The following DAAM2 variants were observed in gnomAD, a reference collection of about 807,000 sequenced individuals.
The protein encoded by DAAM2 is disheveled-associated activator of morphogenesis 2.
In DAAM2, 39 loss-of-function variants were observed where a neutral mutation model predicts 120.7. That is an observed-to-expected ratio of 0.32 (90% CI 0.25 to 0.42). The LOEUF (loss-of-function observed/expected upper bound fraction) is 0.42, where lower values mean the gene tolerates loss of function less well. DAAM2 is among the 10% of genes least tolerant of loss of function. The pLI is 1.00. For missense variants in DAAM2, 1,283 were observed against 1,401.7 expected (o/e 0.92, Z 1.35); for synonymous variants, 488 against 524.9 (o/e 0.93, Z 0.96).
rs1359773679 is a variant in DAAM2 at position 39,833,074 on chromosome 6, C to A, written c.-56-23173C>A. Among the ~76,000 whole-genome samples the A allele has an allele frequency of 2.6e-5, 4 of 152,104 alleles. No homozygotes were observed. The East Asian group carries it at 7.7e-4, about 29-fold the overall frequency. ...GCTGGGTTTAGGCAGGGTTTATCCA[C>A]GTGACCTTTCCCCAACCCTGCACCC... On this transcript the variant is annotated intron_variant, in intron 1 of 24. Coordinates refer to ENST00000274867, the MANE Select transcript of DAAM2 (RefSeq NM_001201427.2).
At chr6:39,842,347 C>T (rs566566420) in intron 1 of DAAM2, among the ~76,000 whole-genome samples, 15 of 152,280 alleles carry the variant, frequency 9.9e-5, no homozygotes, top group African/African-American at 2.6e-4. Context: ...AAAACATACA[C>T]GTGGCCAGGT....
At chr6:39,859,590 CTG>C (rs1413865331) in intron 2 of DAAM2, among the ~76,000 whole-genome samples, 8 of 152,232 alleles carry the variant, frequency 5.3e-5, no homozygotes, top group African/African-American at 1.9e-4. Context: ...TGAACTGTAA[CTG>C]TAAAATGCAC....
Position 39,903,770 on chromosome 6 carries a change from C to T in DAAM2, c.*1733C>T, listed in dbSNP as rs942103817. 5.2e-5 allele frequency: 9 copies of T among 172,930 alleles called. No individual in the cohort carries two copies. In the South Asian group the frequency reaches 1.2e-3, roughly 22 times the overall value. 10.7% of individuals were successfully genotyped at this position (172,930 alleles called of 1,614,324 possible). On this transcript the variant is annotated 3_prime_UTR_variant, in exon 25 of 25. Transcript: ENST00000274867. ...CTGCGGGGGGGAAGAAACACAGGGT[C>T]GGTGAGCCCAGCATGTGCGTTGGTT...
chr6:39,899,481 C>CT (rs1766340330), intron 22 of DAAM2: 1 of 160,932 alleles, frequency 6.2e-6, no homozygotes, highest in Non-Finnish European at 1.4e-5. Context: ...GGGGATGTCT[C>CT]TAAGTCTTGT....
intron 1 of DAAM2, among the ~76,000 whole-genome samples, chr6:39,836,072 T>C (rs1376425456): frequency 6.6e-6 from 1 of 152,052 alleles, no homozygotes; most frequent in East Asian, 1.9e-4. Flanking sequence ...GAAACATATA[T>C]TGCAAGCTTG....
intron 19 of DAAM2, 77 bp downstream of exon 19, chr6:39,891,799 G>C (rs1217114550): frequency 7.1e-6 from 8 of 1,122,966 alleles, no homozygotes; most frequent in African/African-American, 1.6e-5. Flanking sequence ...CCAGTGAATA[G>C]GGGCAGAGGG....
rs749360733 is a variant in DAAM2 at position 39,865,015 on chromosome 6, G to T, written c.369G>T (p.Thr123=). 1.8e-5 allele frequency: 29 copies of T among 1,607,708 alleles called. No individual in the cohort carries two copies. Among genetic ancestry groups the T allele is most frequent in the Admixed American group, 3.4e-5 (2 of 59,300 alleles). Residue 123 remains threonine (T), a synonymous_variant, in exon 5 of 25, where the codon ACG becomes ACT. Coordinates refer to ENST00000274867, the MANE Select transcript of DAAM2 (RefSeq NM_001201427.2). ...TGTACGCGTTTGATGAGGAGGAGACGGAGATGAGGAACCAAGTCGTGGAAG... is the reference window on the plus strand; with the variant it reads ...TGTACGCGTTTGATGAGGAGGAGACTGAGATGAGGAACCAAGTCGTGGAAG... ...QSLYAFDEEE[T]EMRNQVVEDL...
At chr6:39,846,486 A>G (rs1041348797) in intron 1 of DAAM2, among the ~76,000 whole-genome samples, 4 of 152,278 alleles carry the variant, frequency 2.6e-5, no homozygotes, top group South Asian at 2.1e-4. Context: ...TCAATCTCCT[A>G]TGGCATCAAT....
At chr6:39,799,513 TA>T (rs1224690749) in intron 1 of DAAM2, among the ~76,000 whole-genome samples, 1 of 152,204 alleles carries the variant, frequency 6.6e-6, no homozygotes, top group African/African-American at 2.4e-5. Context: ...TGGAATAATG[TA>T]AAAATGAAGT....
chr6:39,802,388 G>A lies in DAAM2; in HGVS notation c.-57+9923G>A, dbSNP rs113416734. ...AGTTACTTTATCTCTCTGTGCCTTA[G>A]TTTCCTCATCTGCAAAGCAGATTGT... On this transcript the variant is annotated intron_variant, in intron 1 of 24. Transcript: ENST00000274867. Among the ~76,000 whole-genome samples the A allele has an allele frequency of 5.7e-3, 870 of 152,276 alleles. 4 individuals carry two copies. The highest frequency in any genetic ancestry group is 0.018 in the African/African-American group (744 of 41,566).
chr6:39,845,525 G>C (rs1157954184), intron 1 of DAAM2, among the ~76,000 whole-genome samples: 1 of 148,130 alleles, frequency 6.8e-6, no homozygotes, highest in Non-Finnish European at 1.5e-5. Context: ...CCACACATAT[G>C]CTACCTACAC....
chr6:39,833,233 T>G (rs1762980108), intron 1 of DAAM2, among the ~76,000 whole-genome samples: 1 of 152,036 alleles, frequency 6.6e-6, no homozygotes, highest in African/African-American at 2.4e-5. Context: ...ACTAGAAAGA[T>G]TTTCTTTTTC....
chr6:39,898,839 G>C lies in DAAM2; in HGVS notation c.2619-38G>C, dbSNP rs775066430. ...GCCTTAGCACCTCAAGGCGGGAGTT[G>C]ATGGTCCTCATTCCCTTCCCTCTGT... On this transcript the variant is annotated intron_variant, in intron 21 of 24. Transcript: ENST00000274867. 46 of 1,572,894 alleles carry C rather than the reference G, an allele frequency of 2.9e-5. No homozygotes were observed. The African/African-American group carries it at 5.1e-4, about 18-fold the overall frequency.
chr6:39,823,130 C>T (rs903647207), intron 1 of DAAM2: 4 of 152,018 alleles, frequency 2.6e-5, no homozygotes, highest in South Asian at 2.1e-4. Flanking sequence ...AAGTTGGCAC[C>T]GAGTGGTTTC....
At chr6:39,832,079 CACTGGGGGAACAGGTGT>C (rs1209991929) in intron 1 of DAAM2, among the ~76,000 whole-genome samples, 1 of 136,336 alleles carries the variant, frequency 7.3e-6, no homozygotes, top group Non-Finnish European at 1.6e-5. Flanking sequence ...GGAGTAGGTG[CACTGGGGGAACAGGTGT>C]ACTGGGGGGA....
At chr6:39,866,760 T>C (rs544164863) in intron 5 of DAAM2, among the ~76,000 whole-genome samples, 3 of 152,352 alleles carry the variant, frequency 2.0e-5, no homozygotes, top group African/African-American at 4.8e-5. Context: ...GGAGTGTAAA[T>C]GGTATTTTGA....
At chr6:39,822,764 T>C (rs1202322494) in intron 1 of DAAM2, 1 of 152,200 alleles carries the variant, frequency 6.6e-6, no homozygotes, top group Non-Finnish European at 1.5e-5. Flanking sequence ...TTCATTTGTG[T>C]GTTCAACAAA....
rs776047261 is a variant in DAAM2 at position 39,897,192 on chromosome 6, A to G, written c.2528A>G (p.His843Arg). 1 of 1,613,334 alleles carries G rather than the reference A, an allele frequency of 6.2e-7. No homozygotes were observed. Among genetic ancestry groups the G allele is most frequent in the Admixed American group, 1.7e-5 (1 of 60,010 alleles). ...ATCCACAGAAACATCTCTCTGCTCC[A>G]TTACCTGATCATGATCCTGGAGAAG... ...SSIDRNISLLHYLIMILEKHF... is the reference protein window; with the variant it reads ...SSIDRNISLLRYLIMILEKHF... The change falls in exon 21 of 25, where the codon CAT (histidine) becomes CGT (arginine). Residue 843 changes from histidine (H) to arginine (R), a missense_variant. Coordinates refer to ENST00000274867, the MANE Select transcript of DAAM2 (RefSeq NM_001201427.2).
intron 20 of DAAM2, 27 bp from the exon 21 acceptor site, chr6:39,897,148 T>TA (rs1363206421): frequency 6.3e-7 from 1 of 1,578,484 alleles, no homozygotes; most frequent in Non-Finnish European, 8.7e-7. Context: ...CTCTGTCACT[T>TA]ACCACTGACC....
Sources: gnomAD v4.1 joint callset for allele counts (sites outside exome capture counted in the v4.1 genomes callset) on GRCh38, gnomAD v4.1.1 for gene constraint, MANE v1.5 for transcripts, NCBI Gene and HGNC (gene_info 2026-07-23, HGNC 2026-07-21) for gene names.